The following ZNF445 variants were observed in gnomAD, a reference collection of about 807,000 sequenced individuals.
ZNF445 encodes the protein zinc finger protein 168.
In ZNF445, 19 loss-of-function variants were observed where a neutral mutation model predicts 93.9. The observed-to-expected ratio is 0.20, with a 90% CI of 0.14 to 0.30. ZNF445 has a LOEUF of 0.30. ZNF445 is among the 10% of genes least tolerant of loss of function. The probability of loss-of-function intolerance (pLI) is 1.00; values close to 1 mark genes in which losing one functional copy is unlikely to be tolerated. For missense variants in ZNF445, 1,058 were observed against 1,259.4 expected, an observed-to-expected ratio of 0.84 and a Z score of 2.42; for synonymous variants, 449 against 446.3, an observed-to-expected ratio of 1.01 and a Z score of -0.08.
intron 1 of ZNF445, among the ~76,000 whole-genome samples, chr3:44,463,049 GTGTA>G (rs1367782781): frequency 2.3e-5 from 3 of 131,062 alleles, no homozygotes; most frequent in African/African-American, 8.6e-5. Context: ...GTGTGTGTGT[GTGTA>G]TGAGACAGAG....
At chr3:44,452,523 T>C (rs188669238) in intron 3 of ZNF445, among the ~76,000 whole-genome samples, 18 of 152,306 alleles carry the variant, frequency 1.2e-4, no homozygotes, top group African/African-American at 4.3e-4. Context: ...TTGAGGGGCT[T>C]CTCCCAGCCC....
At chr3:44,448,891 A>C (rs1232898088) in intron 7 of ZNF445, 152 bp from the exon 8 acceptor site, 29 of 938,648 alleles carry the variant, frequency 3.1e-5, no homozygotes, top group Non-Finnish European at 4.3e-5. Flanking sequence ...AAAACATGGA[A>C]GATTATCCCA....
rs1286206642 is a variant in ZNF445, at chr3:44,447,323, ACT to A, written c.2346_2347del (p.Arg782SerfsTer9). 6.2e-7 allele frequency: 1 copy of A among 1,614,014 alleles called. No individual in the cohort carries two copies. The highest frequency in any genetic ancestry group is 1.1e-5 in the South Asian group (1 of 91,062). On this transcript the variant is annotated frameshift_variant, in exon 8 of 8. Transcript: ENST00000396077. LOFTEE classifies it high-confidence loss of function. The surrounding 1 kb of genome is among the most constrained non-coding windows in gnomAD (Gnocchi z 4.7). Reference sequence around the variant, plus strand: ...CTTATATGGCTTCTCTCCAGTGTGAACTCTCTGATGGATGAGGAGGAATGAGT... The same window carrying A: ...CTTATATGGCTTCTCTCCAGTGTGAACTCTGATGGATGAGGAGGAATGAGT...
chr3:44,461,014 T>C (rs1217730183), intron 1 of ZNF445, among the ~76,000 whole-genome samples: 5 of 152,172 alleles, frequency 3.3e-5, no homozygotes, highest in African/African-American at 9.7e-5. Flanking sequence ...GCTGACCCCA[T>C]GTGCACAGAT....
chr3:44,446,823 T>C lies in ZNF445; in HGVS notation c.2848A>G (p.Met950Val), dbSNP rs1168036468. The C allele has an allele frequency of 6.2e-7, 1 of 1,614,068 alleles. No individual in the cohort carries two copies. Among genetic ancestry groups the C allele is most frequent in the East Asian group, 2.2e-5 (1 of 44,892 alleles). Reference sequence around the variant, plus strand: ...GCTTCTTTGCAGTCTTCGAGGGGCATCTCTTCACTTGGTTTTAGCTTCTGT... The same window carrying C: ...GCTTCTTTGCAGTCTTCGAGGGGCACCTCTTCACTTGGTTTTAGCTTCTGT... ...RLQKLKPSEEMPLEDCKEACS... is the reference protein window; with the variant it reads ...RLQKLKPSEEVPLEDCKEACS... Residue 950 changes from methionine to valine, a missense_variant, in exon 8 of 8, where the codon ATG becomes GTG. Coordinates refer to ENST00000396077, the MANE Select transcript of ZNF445 (RefSeq NM_181489.6). This position sits in a 1 kb window ranked among gnomAD's most constrained non-coding sequence, Gnocchi z 4.2.
chr3:44,466,614 C>T (rs1306589761), intron 1 of ZNF445, among the ~76,000 whole-genome samples: 1 of 152,146 alleles, frequency 6.6e-6, no homozygotes, highest in African/African-American at 2.4e-5. Flanking sequence ...TGTGGCTGCC[C>T]TAAAATGCTT....
At chr3:44,454,032 G>T (rs1402655391) in intron 3 of ZNF445, among the ~76,000 whole-genome samples, 1 of 151,894 alleles carries the variant, frequency 6.6e-6, no homozygotes, top group Non-Finnish European at 1.5e-5. Flanking sequence ...AGTGAGAAGG[G>T]CTGGGCACAG....
chr3:44,455,095 G>A (rs1206161920), intron 3 of ZNF445, 26 bp downstream of exon 3: 1 of 1,613,676 alleles, frequency 6.2e-7, no homozygotes, highest in South Asian at 1.1e-5. Context: ...GAGTTCCCTG[G>A]GCACCACACA....
chr3:44,457,800 G>C (rs894630047), intron 2 of ZNF445, among the ~76,000 whole-genome samples: 2 of 148,458 alleles, frequency 1.3e-5, no homozygotes, highest in Non-Finnish European at 3.0e-5. Context: ...CAGAAGTTTG[G>C]GACCAGCCTG....
Position 44,455,374 on chromosome 3 carries a change from C to T in ZNF445, c.176G>A (p.Arg59Lys). ...PGQELFRQLF[R>K]QLRYHESSGP... ...TGAAGACTCATGGTAGCGAAGCTGT[C>T]TGAAGAGCTGGCGGAACAGCTCCTG... The change falls in exon 3 of 8, where the codon AGA becomes AAA. Residue 59 changes from arginine (R) to lysine (K), a missense_variant. Transcript: ENST00000396077. The T allele has an allele frequency of 6.2e-7, 1 of 1,614,144 alleles. No homozygotes were observed. The highest frequency in any genetic ancestry group is 8.5e-7 in the Non-Finnish European group (1 of 1,180,004).
chr3:44,475,412 C>A, intron 1 of ZNF445, among the ~76,000 whole-genome samples: 1 of 151,812 alleles, frequency 6.6e-6, no homozygotes, highest in Non-Finnish European at 1.5e-5. Flanking sequence ...GCTGGCCAGG[C>A]TGGTCTTGAA....
intron 7 of ZNF445, 148 bp downstream of exon 7, chr3:44,449,365 A>G: frequency 1.5e-6 from 1 of 646,736 alleles, no homozygotes; most frequent in Non-Finnish European, 2.7e-6. Context: ...GATGGAAGAG[A>G]CCCAGTGGCC....
intron 1 of ZNF445, among the ~76,000 whole-genome samples, chr3:44,471,334 A>G (rs1698266070): frequency 6.6e-6 from 1 of 152,236 alleles, no homozygotes; most frequent in South Asian, 2.1e-4. Context: ...ATATGCCCAT[A>G]AATAGCCACT....
rs2372690 is a variant in ZNF445 at position 44,471,985 on chromosome 3, G to A, written c.-269+5606C>T. ...GAGGAGCAGGCTCCAGCCTCGGTGC[G>A]TGCCAGCAGCACAAAAGGGAAGGAG... On this transcript the variant is annotated intron_variant, in intron 1 of 7. Coordinates refer to ENST00000396077, the MANE Select transcript of ZNF445 (RefSeq NM_181489.6). 7.2e-3 allele frequency among the ~76,000 whole-genome samples: 1,096 copies of A among 152,278 alleles called. 8 individuals carry two copies. Among genetic ancestry groups the A allele is most frequent in the African/African-American group, 0.025 (1,054 of 41,554 alleles).
rs906223214 is a variant in ZNF445, at chr3:44,446,383, A to G, written c.*192T>C. On this transcript the variant is annotated 3_prime_UTR_variant, in exon 8 of 8. Coordinates refer to ENST00000396077, the MANE Select transcript of ZNF445 (RefSeq NM_181489.6). This position sits in a 1 kb window ranked among gnomAD's most constrained non-coding sequence, Gnocchi z 4.2. ...AGGGCTCCAAAGGACATGGTGCTGC[A>G]CTTCCCCAGCGTCACATCCTAGCAG... 2.7e-6 allele frequency: 2 copies of G among 751,864 alleles called. No individual in the cohort carries two copies. The highest frequency in any genetic ancestry group is 4.2e-6 in the Non-Finnish European group (2 of 478,290). 46.6% of individuals were successfully genotyped at this position (751,864 alleles called of 1,614,324 possible).
intron 3 of ZNF445, among the ~76,000 whole-genome samples, chr3:44,452,420 C>A (rs1697969565): frequency 6.6e-6 from 1 of 151,660 alleles, no homozygotes. Flanking sequence ...TTTCTCGGGC[C>A]CTGGTTTTTC....
rs1048501621 is a variant in ZNF445 at position 44,438,603 on chromosome 3, T to A, written c.*7972A>T. 1.3e-5 allele frequency: 2 copies of A among 151,944 alleles called. No individual in the cohort carries two copies. Among genetic ancestry groups the A allele is most frequent in the East Asian group, 3.9e-4 (2 of 5,166 alleles). 9.4% of individuals were successfully genotyped at this position (151,944 alleles called of 1,614,324 possible). A position where few individuals can be genotyped will look rare whatever the true frequency, so the allele number is the denominator to read the frequency against. ...GAGCCACCGTGCCTGGCCAAAAAAATAATTTTTTTAAAAGGACTCCAGGCA... is the reference window on the plus strand; with the variant it reads ...GAGCCACCGTGCCTGGCCAAAAAAAAAATTTTTTTAAAAGGACTCCAGGCA... On this transcript the variant is annotated 3_prime_UTR_variant, in exon 8 of 8. Coordinates refer to ENST00000396077, the MANE Select transcript of ZNF445 (RefSeq NM_181489.6).
intron 1 of ZNF445, 149 bp from the exon 2 acceptor site, chr3:44,458,513 CCAAGTGACTAAAA>C (rs1170473725): frequency 6.6e-6 from 1 of 152,038 alleles, no homozygotes; most frequent in African/African-American, 2.4e-5. Flanking sequence ...CCCTTATTTC[CCAAGTGACTAAAA>C]CAATAAGCAT....
At chr3:44,464,796 C>A (rs1016373346) in intron 1 of ZNF445, among the ~76,000 whole-genome samples, 2 of 152,152 alleles carry the variant, frequency 1.3e-5, no homozygotes, top group African/African-American at 4.8e-5. Context: ...CCACCCCAAG[C>A]TGGGCACAGT....
Sources: gnomAD v4.1 joint callset for allele counts (sites outside exome capture counted in the v4.1 genomes callset) on GRCh38, gnomAD v4.1.1 for gene constraint, Gnocchi (gnomAD v3.1) non-coding constraint, MANE v1.5 for transcripts, NCBI Gene and HGNC (gene_info 2026-07-23, HGNC 2026-07-21) for gene names.